TUT7: variants seen among roughly 807,000 people sequenced by gnomAD.
TUT7 encodes the protein terminal uridylyltransferase 7.
Under a neutral mutation model 165.9 loss-of-function variants are expected in TUT7, and 33 were observed. The observed-to-expected ratio is 0.20, with a 90% confidence interval of 0.15 to 0.27. The LOEUF is 0.27. Among genes scored for constraint, TUT7 ranks in the 10% least tolerant of loss-of-function variants. TUT7 has a pLI of 1.00. For missense variants in TUT7, 1,338 were observed against 1,762.3 expected (o/e 0.76, Z 4.31); for synonymous variants, 552 against 608.1 (o/e 0.91, Z 1.36).
chr9:86,337,213 AT>A, intron 10 of TUT7: 1 of 538,482 alleles, frequency 1.9e-6, no homozygotes, highest in Non-Finnish European at 3.2e-6. Context: ...AAAGGTAATA[AT>A]ATCCCTAAGC....
rs1021238837 is a variant in TUT7, at chr9:86,352,743, G to C, written c.457C>G (p.Arg153Gly). The change falls in exon 2 of 27, where the codon CGA (arginine) becomes GGA (glycine). Residue 153 changes from arginine (R) to glycine (G), a missense_variant. Around this residue, in one of 7 missense-constraint regions of TUT7, gnomAD observed 434 missense variants for 480.8 expected, o/e 0.90. Coordinates refer to ENST00000375963, the MANE Select transcript of TUT7 (RefSeq NM_024617.4). ...QDTRGCRTVR[R>G]LFHKDLTSLE... is the part of the protein sequence containing the mutation. ...CTTGTTAGGTCTTTATGAAACAGTC[G>C]TCTTACAGTTCTGCAGCCTCTTGTG... 5.0e-6 allele frequency: 8 copies of C among 1,614,012 alleles called. No individual in the cohort carries two copies. The highest frequency in any genetic ancestry group is 1.6e-4 in the Middle Eastern group (1 of 6,084).
At chr9:86,348,824 G>C (rs1294676921) in intron 2 of TUT7, among the ~76,000 whole-genome samples, 1 of 152,118 alleles carries the variant, frequency 6.6e-6, no homozygotes, top group Admixed American at 6.6e-5. Flanking sequence ...AAACTGGAAA[G>C]AAATTACTAA....
intron 18 of TUT7, 98 bp downstream of exon 18, chr9:86,310,608 A>C: frequency 1.7e-6 from 1 of 585,044 alleles, no homozygotes; most frequent in South Asian, 1.9e-5. Flanking sequence ...AGATTCACTA[A>C]GATGAAATGA....
intron 10 of TUT7, among the ~76,000 whole-genome samples, chr9:86,336,373 A>C (rs1461283712): frequency 6.6e-6 from 1 of 152,134 alleles, no homozygotes; most frequent in Admixed American, 6.5e-5. Flanking sequence ...CATGGCTCTG[A>C]ATTCTCTCAG....
chr9:86,323,622 C>G lies in TUT7; in HGVS notation c.2128G>C (p.Glu710Gln), dbSNP rs758591070. The G allele has an allele frequency of 8.7e-6, 14 of 1,614,208 alleles. No individual in the cohort carries two copies. In the East Asian group the frequency reaches 3.1e-4, roughly 36 times the overall value. ...TAESFGSPPK[E>Q]EMGNEHISVH... ...CTGATGTGTTCATTTCCCATTTCTT[C>G]TTTTGGTGGGCTTCCAAAACTTTCA... The change falls in exon 13 of 27, where the codon GAA (glutamate) becomes CAA (glutamine). Residue 710 changes from glutamate (E) to glutamine (Q), a missense_variant. Coordinates refer to ENST00000375963, the MANE Select transcript of TUT7 (RefSeq NM_024617.4).
chr9:86,334,636 T>C (rs944367311), intron 10 of TUT7, among the ~76,000 whole-genome samples: 7 of 152,126 alleles, frequency 4.6e-5, no homozygotes, highest in Non-Finnish European at 1.0e-4. Context: ...TTTTTTCTTG[T>C]GAGGATGAGA....
chr9:86,352,616 G>T, intron 2 of TUT7, 64 bp downstream of exon 2: 1 of 1,575,308 alleles, frequency 6.3e-7, no homozygotes. Flanking sequence ...AAACTCATTT[G>T]GATGAAAAAG....
intron 2 of TUT7, among the ~76,000 whole-genome samples, chr9:86,349,082 C>T (rs943142515): frequency 6.6e-6 from 1 of 151,946 alleles, no homozygotes; most frequent in African/African-American, 2.4e-5. Context: ...AGTTCGAGAC[C>T]ATCCTGGCCA....
intron 8 of TUT7, among the ~76,000 whole-genome samples, chr9:86,339,803 C>A (rs1419244752): frequency 6.6e-6 from 1 of 152,126 alleles, no homozygotes. Context: ...TTGAAATGGA[C>A]CGAAATACTT....
chr9:86,325,883 T>C (rs886856688), intron 11 of TUT7, among the ~76,000 whole-genome samples: 6 of 152,298 alleles, frequency 3.9e-5, no homozygotes, highest in African/African-American at 1.4e-4. Flanking sequence ...TGGAGGCACC[T>C]TTACAGTCAC....
chr9:86,344,981 T>C lies in TUT7; in HGVS notation c.993A>G (p.Leu331=). 8 of 1,608,802 alleles carry C rather than the reference T, an allele frequency of 5.0e-6. No homozygotes were observed. The highest frequency in any genetic ancestry group is 6.8e-6 in the Non-Finnish European group (8 of 1,177,996). The change falls in exon 5 of 27, where the codon TTA becomes TTG. Residue 331 remains leucine (L), a synonymous_variant. Coordinates refer to ENST00000375963, the MANE Select transcript of TUT7 (RefSeq NM_024617.4). ...RIMENVFQHK[L]PDCSLRLYGS... ...AAAAACAAATCTAGAAAATACCTGG[T>C]AACTTGTGTTGGAACACATTTTCCA... is the stretch of plus-strand genomic sequence containing the variant.
At chr9:86,347,088 T>A (rs1414014768) in intron 2 of TUT7, among the ~76,000 whole-genome samples, 1 of 152,166 alleles carries the variant, frequency 6.6e-6, no homozygotes, top group Non-Finnish European at 1.5e-5. Flanking sequence ...TATGAAGAAG[T>A]CCAAGCCAAA....
In TUT7 at chr9:86,288,643, G is replaced by C; in HGVS notation, c.*34C>G. On this transcript the variant is annotated 3_prime_UTR_variant, in exon 27 of 27. Coordinates refer to ENST00000375963, the MANE Select transcript of TUT7 (RefSeq NM_024617.4). ...ATTTTCCGAGTGAATAGGAACGCCT[G>C]AGTGGCCATTTAGAGTGCTGCATTT... 1.3e-6 allele frequency: 2 copies of C among 1,573,438 alleles called. No individual in the cohort carries two copies. The highest frequency in any genetic ancestry group is 1.7e-6 in the Non-Finnish European group (2 of 1,143,556).
chr9:86,320,421 T>A (rs1829158302), intron 14 of TUT7, among the ~76,000 whole-genome samples: 4 of 152,198 alleles, frequency 2.6e-5, no homozygotes, highest in Admixed American at 2.6e-4. Context: ...CACCAATGCT[T>A]CCCCAAATTT....
chr9:86,323,966 A>AT lies in TUT7; in HGVS notation c.1790-7dup. Reference sequence around the variant, plus strand: ...TCTTTTAACAGAGTAGGGATCTGTAATAAAAAAAAGAAAGAAAGAAAAATC... The same window carrying AT: ...TCTTTTAACAGAGTAGGGATCTGTAATTAAAAAAAAGAAAGAAAGAAAAATC... On this transcript the variant is annotated splice_region_variant and splice_polypyrimidine_tract_variant and intron_variant, in intron 12 of 26. Coordinates refer to ENST00000375963, the MANE Select transcript of TUT7 (RefSeq NM_024617.4). The AT allele has an allele frequency of 6.6e-7, 1 of 1,525,368 alleles. No individual in the cohort carries two copies. Among genetic ancestry groups the AT allele is most frequent in the South Asian group, 1.3e-5 (1 of 79,010 alleles). The allele number at this position is 1,525,368 out of a possible 1,614,324, so 94.5% of individuals were successfully genotyped here. A position where few individuals can be genotyped will look rare whatever the true frequency, so the allele number is the denominator to read the frequency against.
intron 22 of TUT7, among the ~76,000 whole-genome samples, chr9:86,308,135 C>T (rs942784304): frequency 6.6e-6 from 1 of 152,136 alleles, no homozygotes; most frequent in East Asian, 1.9e-4. Context: ...CTTCAAACCC[C>T]CCAACAGGAA....
At chr9:86,328,764 G>T (rs183433420) in intron 10 of TUT7, among the ~76,000 whole-genome samples, 69 of 152,312 alleles carry the variant, frequency 4.5e-4, no homozygotes, top group Middle Eastern at 3.4e-3. Flanking sequence ...GACGTCATGG[G>T]TTCTGAAGTA....
intron 26 of TUT7, among the ~76,000 whole-genome samples, chr9:86,294,274 C>CA (rs11338696): frequency 0.023 from 2,255 of 96,358 alleles, 31 homozygotes; most frequent in Non-Finnish European, 0.035. Context: ...TGCCATGAGG[C>CA]AAAAAAAAAA....
chr9:86,348,707 G>A (rs1831997346), intron 2 of TUT7, among the ~76,000 whole-genome samples: 1 of 152,116 alleles, frequency 6.6e-6, no homozygotes, highest in Non-Finnish European at 1.5e-5. Flanking sequence ...AGTCATGATT[G>A]CGCCATTGCA....
Sources: allele counts gnomAD v4.1 joint callset (sites outside exome capture counted in the v4.1 genomes callset), GRCh38; gene constraint gnomAD v4.1.1; regional missense constraint gnomAD v4.1.1; transcripts MANE v1.5; gene names NCBI Gene and HGNC (gene_info 2026-07-23, HGNC 2026-07-21).